WDHD1: variants seen among roughly 807,000 people sequenced by gnomAD.
WDHD1 encodes the protein WD repeat and HMG-box DNA-binding protein 1.
Under a neutral mutation model 135.4 loss-of-function variants are expected in WDHD1, and 111 were observed. The ratio of observed to expected loss-of-function variants is 0.82; its 90% CI spans 0.70 to 0.96. The LOEUF is 0.96. WDHD1 is among the 40% of genes least tolerant of loss of function. The pLI is 0.00. For synonymous variants in WDHD1, 434 were observed against 439.0 expected (o/e 0.99, Z 0.14); for missense variants, 1,351 against 1,336.3 (o/e 1.01, Z -0.17).
intron 24 of WDHD1, among the ~76,000 whole-genome samples, chr14:54,954,359 G>T (rs1229017870): frequency 6.6e-6 from 1 of 152,052 alleles, no homozygotes; most frequent in Non-Finnish European, 1.5e-5. Flanking sequence ...CTGTGTTTGT[G>T]GACAAAGAGG....
Position 55,000,593 on chromosome 14 carries a change from A to G in WDHD1, c.852T>C (p.Thr284=), listed in dbSNP as rs548886683. Residue 284 remains threonine, a synonymous_variant, in exon 10 of 26, where the codon ACT becomes ACC. Coordinates refer to ENST00000360586, the MANE Select transcript of WDHD1 (RefSeq NM_007086.4). The part of the protein sequence containing the change: ...YAICGLAWHP[T]CGRISYTDAE... ...CATCAGTATACGATATTCGACCACA[A>G]GTAGGATGCCATGCCAGACCACAAA... The G allele has an allele frequency of 1.3e-5, 21 of 1,605,492 alleles. No homozygotes were observed. The East Asian group carries it at 1.4e-4, about 10-fold the overall frequency.
Position 55,008,624 on chromosome 14 carries a change from G to A in WDHD1, c.437C>T (p.Pro146Leu). Residue 146 changes from proline (P) to leucine (L), a missense_variant, in exon 5 of 26, where the codon CCT becomes CTT. Transcript: ENST00000360586. ...DAPVLSLSFD[P>L]KDIFLASASC... ...AATAATTACCAGAAAGATGTCCTTA[G>A]GATCAAAGGAAAGACTTAAAACAGG... 1.2e-6 allele frequency: 2 copies of A among 1,607,860 alleles called. No homozygotes were observed. Among genetic ancestry groups the A allele is most frequent in the Non-Finnish European group, 1.7e-6 (2 of 1,178,340 alleles).
chr14:55,013,569 A>T lies in WDHD1; in HGVS notation c.105T>A (p.Gly35=), dbSNP rs763684749. The T allele has an allele frequency of 6.2e-7, 1 of 1,613,948 alleles. No homozygotes were observed. Among genetic ancestry groups the T allele is most frequent in the Admixed American group, 1.7e-5 (1 of 60,010 alleles). ...CCAAGTCTTCCCAAATCCTCACATC[A>T]CCATCACTTCCACAAGTCACAATAA... is the stretch of plus-strand genomic sequence containing the variant. The part of the protein sequence containing the change: ...GSFIVTCGSD[G]DVRIWEDLDD... Residue 35 remains glycine, a synonymous_variant, in exon 3 of 26, where the codon GGT becomes GGA. Transcript: ENST00000360586.
At chr14:54,980,821 A>AC (rs1334297844) in intron 16 of WDHD1, among the ~76,000 whole-genome samples, 2,821 of 148,706 alleles carry the variant, frequency 0.019, 40 homozygotes, top group Non-Finnish European at 0.027. Flanking sequence ...AAAAAAAAAA[A>AC]AAAACTCAGC....
chr14:55,025,040 T>G (rs2042411121), intron 2 of WDHD1, among the ~76,000 whole-genome samples: 1 of 87,458 alleles, frequency 1.1e-5, no homozygotes, highest in Non-Finnish European at 2.6e-5. Flanking sequence ...GTCTCCTGCC[T>G]GTCCCTGGGC....
chr14:54,975,399 G>A (rs2041509337), intron 16 of WDHD1, among the ~76,000 whole-genome samples: 1 of 150,582 alleles, frequency 6.6e-6, no homozygotes, highest in African/African-American at 2.4e-5. Context: ...CCAGGCTGGA[G>A]TACAGTGGCG....
At chr14:54,980,240 C>T (rs1335927370) in intron 16 of WDHD1, among the ~76,000 whole-genome samples, 1 of 151,700 alleles carries the variant, frequency 6.6e-6, no homozygotes, top group Non-Finnish European at 1.5e-5. Context: ...CGCTTGAGCC[C>T]AGGATGTCAC....
At position 54,941,407 on chromosome 14, in the gene WDHD1, T is replaced by C. The variant is rs1431512327; in HGVS notation, c.*83A>G. The C allele has an allele frequency of 4.4e-6, 5 of 1,127,072 alleles. No homozygotes were observed. Among genetic ancestry groups the C allele is most frequent in the Non-Finnish European group, 1.2e-6 (1 of 808,098 alleles). The allele number at this position is 1,127,072 out of a possible 1,614,324, so 69.8% of individuals were successfully genotyped here. A position where few individuals can be genotyped will look rare whatever the true frequency, so the allele number is the denominator to read the frequency against. On this transcript the variant is annotated 3_prime_UTR_variant, in exon 26 of 26. Coordinates refer to ENST00000360586, the MANE Select transcript of WDHD1 (RefSeq NM_007086.4). ...TCAAACTCTTTAAAAAATATATATATAATGAGTTTCCCAAAGACTCGAGTC... is the reference window on the plus strand; with the variant it reads ...TCAAACTCTTTAAAAAATATATATACAATGAGTTTCCCAAAGACTCGAGTC...
intron 24 of WDHD1, among the ~76,000 whole-genome samples, chr14:54,953,537 G>C (rs1282522536): frequency 2.0e-5 from 3 of 152,180 alleles, no homozygotes; most frequent in Non-Finnish European, 2.9e-5. Flanking sequence ...CTGTAAACTA[G>C]TTCAACCATT....
intron 2 of WDHD1, among the ~76,000 whole-genome samples, chr14:55,020,960 T>C (rs1049809595): frequency 6.6e-6 from 1 of 152,174 alleles, no homozygotes; most frequent in African/African-American, 2.4e-5. Flanking sequence ...AAGGTCTTCA[T>C]CCTTATCGTC....
chr14:54,973,302 C>T (rs116255253), intron 16 of WDHD1, among the ~76,000 whole-genome samples: 2,135 of 152,178 alleles, frequency 0.014, 51 homozygotes, highest in African/African-American at 0.049. Context: ...TAAATATCTT[C>T]CAGTATTATC....
At chr14:54,962,632 G>A in intron 20 of WDHD1, 81 bp from the exon 21 acceptor site, 1 of 1,522,576 alleles carries the variant, frequency 6.6e-7, no homozygotes, top group South Asian at 1.1e-5. Flanking sequence ...ATAGCAAAGA[G>A]GTCTGAAAAA....
At position 54,966,548 on chromosome 14, in the gene WDHD1, C is replaced by A. The variant is rs1409297367; in HGVS notation, c.2237G>T (p.Gly746Val). 1 of 1,608,324 alleles carries A rather than the reference C, an allele frequency of 6.2e-7. No homozygotes were observed. The highest frequency in any genetic ancestry group is 8.5e-7 in the Non-Finnish European group (1 of 1,178,822). The change falls in exon 18 of 26, where the codon GGT (glycine) becomes GTT (valine). Residue 746 changes from glycine to valine, a missense_variant. Gly to Val is a moderately radical substitution (Grantham distance 109, BLOSUM62 -3). Around this residue, in one of 2 missense-constraint regions of WDHD1, gnomAD observed 1,330 missense variants for 1,296.1 expected, o/e 1.03. Coordinates refer to ENST00000360586, the MANE Select transcript of WDHD1 (RefSeq NM_007086.4). Reference protein sequence around the residue: ...HNHLDYLAKNGYEYEESTKNQ... With the variant: ...HNHLDYLAKNVYEYEESTKNQ... ...TTTAGTGCTCTCTTCATATTCATAA[C>A]CATTTTTAGCTAAATAATCAAGGTG...
chr14:55,000,990 G>A lies in WDHD1; in HGVS notation c.696C>T (p.Thr232=). The A allele has an allele frequency of 6.6e-7, 1 of 1,523,946 alleles. No homozygotes were observed. Among genetic ancestry groups the A allele is most frequent in the Non-Finnish European group, 8.8e-7 (1 of 1,133,182 alleles). 94.4% of individuals were successfully genotyped at this position (1,523,946 alleles called of 1,614,324 possible). A position where few individuals can be genotyped will look rare whatever the true frequency, so the allele number is the denominator to read the frequency against. ...FDLSDNFISQ[T]LNIVTWSPCG... is the part of the protein sequence containing the mutation. Reference sequence around the variant, plus strand: ...AGGGAGACCAGGTTACTATATTGAGGGTCTGTAAAGAAAAACAGTTAATAA... The same window carrying A: ...AGGGAGACCAGGTTACTATATTGAGAGTCTGTAAAGAAAAACAGTTAATAA... Residue 232 remains threonine (T), a splice_region_variant and synonymous_variant, in exon 9 of 26, where the codon ACC becomes ACT. Coordinates refer to ENST00000360586, the MANE Select transcript of WDHD1 (RefSeq NM_007086.4).
intron 15 of WDHD1, among the ~76,000 whole-genome samples, chr14:54,982,005 A>AT (rs1180955697): frequency 1.1e-4 from 17 of 151,380 alleles, no homozygotes; most frequent in African/African-American, 2.4e-5. Context: ...TTATTTATTT[A>AT]TTATTATTAT....
chr14:55,017,622 C>T (rs1207729129), intron 2 of WDHD1, among the ~76,000 whole-genome samples: 11 of 152,142 alleles, frequency 7.2e-5, no homozygotes, highest in South Asian at 2.1e-4. Context: ...GAATTACAGA[C>T]GTAAGCCACT....
At chr14:54,953,120 C>T (rs932400931) in intron 24 of WDHD1, among the ~76,000 whole-genome samples, 16 of 152,152 alleles carry the variant, frequency 1.1e-4, no homozygotes, top group Admixed American at 3.3e-4. Context: ...CCAAAATTGA[C>T]AGATGGGATC....
intron 24 of WDHD1, among the ~76,000 whole-genome samples, chr14:54,947,100 G>A (rs1429335519): frequency 1.3e-5 from 2 of 152,146 alleles, no homozygotes; most frequent in Non-Finnish European, 2.9e-5. Context: ...TGCACTTTGG[G>A]AGGCCAAGGC....
chr14:55,007,190 T>G lies in WDHD1; in HGVS notation c.600+90A>C, dbSNP rs951431240. ...TTGCAGTGAGCCGAGATTGCACCACTGCACTCCAGCATGGGAGACAGAGTG... is the reference window on the plus strand; with the variant it reads ...TTGCAGTGAGCCGAGATTGCACCACGGCACTCCAGCATGGGAGACAGAGTG... On this transcript the variant is annotated intron_variant, in intron 7 of 25. Coordinates refer to ENST00000360586, the MANE Select transcript of WDHD1 (RefSeq NM_007086.4). 6.8e-6 allele frequency: 7 copies of G among 1,036,654 alleles called. No homozygotes were observed. In the South Asian group the frequency reaches 1.0e-4, roughly 16 times the overall value. The allele number at this position is 1,036,654 out of a possible 1,614,324, so 64.2% of individuals were successfully genotyped here.
Sources: gnomAD v4.1 joint callset for allele counts (sites outside exome capture counted in the v4.1 genomes callset) on GRCh38, gnomAD v4.1.1 for gene constraint, gnomAD v4.1.1 regional missense constraint, MANE v1.5 for transcripts, NCBI Gene and HGNC (gene_info 2026-07-23, HGNC 2026-07-21) for gene names.